CLVS1: variants seen among roughly 807,000 people sequenced by gnomAD.
CLVS1 encodes clavesin-1.
Under a neutral mutation model 33.1 loss-of-function variants are expected in CLVS1, and 10 were observed. The ratio of observed to expected loss-of-function variants is 0.30; its 90% CI spans 0.19 to 0.51. The LOEUF is 0.51. CLVS1 is among the 20% of genes least tolerant of loss of function. The pLI is 0.97. For missense variants in CLVS1, 343 were observed against 433.4 expected (o/e 0.79, Z 1.85); for synonymous variants, 163 against 166.1 (o/e 0.98, Z 0.14).
At chr8:61,355,876 G>A (rs1218637383) in intron 2 of CLVS1, among the ~76,000 whole-genome samples, 2 of 152,188 alleles carry the variant, frequency 1.3e-5, no homozygotes, top group Non-Finnish European at 2.9e-5. Flanking sequence ...ATAAACATAC[G>A]TGTGCATGTG....
intron 3 of CLVS1, among the ~76,000 whole-genome samples, chr8:61,451,509 G>C (rs1488397149): frequency 6.6e-6 from 1 of 152,012 alleles, no homozygotes; most frequent in East Asian, 1.9e-4. Context: ...AGAGTATGTT[G>C]GTGCATGATG....
At chr8:61,031,562 C>T in the CLVS1 span, among the ~76,000 whole-genome samples, 4 of 152,220 alleles carry the variant, frequency 2.6e-5, no homozygotes, top group Non-Finnish European at 5.9e-5. Context: ...TTAAGAAAAG[C>T]ATCGTTTTAT....
intron 2 of CLVS1, among the ~76,000 whole-genome samples, chr8:61,324,379 A>ACTGCCTTTCACCTC (rs1442541466): frequency 4.6e-5 from 7 of 152,092 alleles, no homozygotes; most frequent in Non-Finnish European, 1.0e-4. Context: ...CCCTGGAAGA[A>ACTGCCTTTCACCTC]CTGCCTTTCA....
At chr8:60,989,557 C>T in the CLVS1 span, among the ~76,000 whole-genome samples, 1 of 152,264 alleles carries the variant, frequency 6.6e-6, no homozygotes, top group South Asian at 2.1e-4. Flanking sequence ...TACGTGACCC[C>T]TGAAGCTATG....
chr8:61,020,045 G>A, the CLVS1 span, among the ~76,000 whole-genome samples: 1 of 152,236 alleles, frequency 6.6e-6, no homozygotes. Context: ...TGCAGAGAGA[G>A]GCCAGTCAGG....
intron 5 of CLVS1, among the ~76,000 whole-genome samples, chr8:61,489,656 A>G (rs1804001782): frequency 6.6e-6 from 1 of 152,308 alleles, no homozygotes; most frequent in South Asian, 2.1e-4. Flanking sequence ...ATGGTTGTTG[A>G]TGATGATGAT....
Position 61,163,526 on chromosome 8 carries a change from G to A in CLVS1, c.-152+31666G>A, listed in dbSNP as rs1489336268. Among the ~76,000 whole-genome samples the A allele has an allele frequency of 5.9e-5, 9 of 152,102 alleles. No homozygotes were observed. The South Asian group carries it at 1.7e-3, about 28-fold the overall frequency. On this transcript the variant is annotated intron_variant, in intron 2 of 2. Coordinates refer to the CLVS1 transcript ENST00000522621. Reference sequence around the variant, plus strand: ...CCGTTGCCTTATGTGTATTTGTTACGGGTGAGTCTTTGTTCTTAGAGCTCC... The same window carrying A: ...CCGTTGCCTTATGTGTATTTGTTACAGGTGAGTCTTTGTTCTTAGAGCTCC...
chr8:61,269,617 A>T (rs1358351324), intron 2 of CLVS1, among the ~76,000 whole-genome samples: 1 of 150,816 alleles, frequency 6.6e-6, no homozygotes, highest in African/African-American at 2.4e-5. Flanking sequence ...CAGTATGGCC[A>T]TTTTCACGAT....
intron 1 of CLVS1, among the ~76,000 whole-genome samples, chr8:61,113,614 G>C (rs1379774014): frequency 2.0e-5 from 3 of 152,114 alleles, no homozygotes; most frequent in African/African-American, 7.2e-5. Context: ...AAACAAGTTG[G>C]ACCCAGGGAA....
chr8:60,972,041 C>T, the CLVS1 span, among the ~76,000 whole-genome samples: 1 of 152,266 alleles, frequency 6.6e-6, no homozygotes, highest in South Asian at 2.1e-4. Context: ...TCAACTGGTG[C>T]AGCTGGGATG....
At chr8:61,164,476 T>G (rs1417439734) in intron 2 of CLVS1, among the ~76,000 whole-genome samples, 1 of 152,194 alleles carries the variant, frequency 6.6e-6, no homozygotes, top group Admixed American at 6.5e-5. Flanking sequence ...CCCGCTGTCT[T>G]CTTGCCCTTG....
chr8:61,001,988 T>A, the CLVS1 span, among the ~76,000 whole-genome samples: 1 of 152,076 alleles, frequency 6.6e-6, no homozygotes, highest in East Asian at 1.9e-4. Flanking sequence ...CAACCCACTT[T>A]TTTTTTTTGA....
chr8:61,183,151 G>GAA (rs1563434860), intron 2 of CLVS1, among the ~76,000 whole-genome samples: 1 of 147,248 alleles, frequency 6.8e-6, no homozygotes, highest in Non-Finnish European at 1.5e-5. Context: ...TGTGGGCAGG[G>GAA]CGGAGGGGGG....
chr8:61,158,095 A>C (rs1159208291), intron 2 of CLVS1, among the ~76,000 whole-genome samples: 1 of 152,258 alleles, frequency 6.6e-6, no homozygotes, highest in African/African-American at 2.4e-5. Context: ...TGGATAAACT[A>C]TCATCTATTC....
intron 2 of CLVS1, among the ~76,000 whole-genome samples, chr8:61,230,651 C>T (rs1429967139): frequency 1.3e-5 from 2 of 152,128 alleles, no homozygotes; most frequent in African/African-American, 2.4e-5. Flanking sequence ...TTCTTTACTT[C>T]CCCCTTTCCT....
intron 5 of CLVS1, among the ~76,000 whole-genome samples, chr8:61,468,205 C>A (rs1470819716): frequency 6.6e-6 from 1 of 152,128 alleles, no homozygotes; most frequent in African/African-American, 2.4e-5. Context: ...GCTCAAGGCC[C>A]CCAACTTTGA....
intron 2 of CLVS1, among the ~76,000 whole-genome samples, chr8:61,323,402 CTT>C (rs1259758290): frequency 6.6e-6 from 1 of 152,192 alleles, no homozygotes. Flanking sequence ...CATTCCACCT[CTT>C]GAGGGAGGAA....
At chr8:61,476,137 T>A (rs2129607948) in intron 5 of CLVS1, among the ~76,000 whole-genome samples, 1 of 152,354 alleles carries the variant, frequency 6.6e-6, no homozygotes, top group South Asian at 2.1e-4. Context: ...GAGGGCTCTG[T>A]TCTGTTCCAT....
At chr8:61,215,994 G>A (rs1486989904) in intron 2 of CLVS1, among the ~76,000 whole-genome samples, 1 of 152,144 alleles carries the variant, frequency 6.6e-6, no homozygotes, top group East Asian at 1.9e-4. Flanking sequence ...TGTGAAAGGA[G>A]TTATCTTATA....
Sources: gnomAD v4.1 joint callset for allele counts (sites outside exome capture counted in the v4.1 genomes callset) on GRCh38, gnomAD v4.1.1 for gene constraint, MANE v1.5 for transcripts, NCBI Gene and HGNC (gene_info 2026-07-23, HGNC 2026-07-21) for gene names.